ADCY8: variants seen among roughly 807,000 people sequenced by gnomAD.
The protein encoded by ADCY8 is adenylate cyclase type 8.
ADCY8 carries 51 observed loss-of-function variants against 119.7 expected under a neutral mutation model. The ratio of observed to expected loss-of-function variants is 0.43; its 90% CI spans 0.34 to 0.54. The LOEUF is 0.54. ADCY8 is among the 20% of genes least tolerant of loss of function. ADCY8 has a pLI of 0.03. For synonymous variants in ADCY8, 665 were observed against 651.0 expected, an observed-to-expected ratio of 1.02 and a Z score of -0.33; for missense variants, 1,383 against 1,598.8, an observed-to-expected ratio of 0.87 and a Z score of 2.30.
chr8:131,030,348 C>T (rs1823960099), intron 1 of ADCY8, among the ~76,000 whole-genome samples: 2 of 152,298 alleles, frequency 1.3e-5, no homozygotes, highest in East Asian at 1.9e-4. Context: ...ATCCCAGGGT[C>T]CTTTTGCACG....
At chr8:130,958,818 A>AT (rs1358060815) in intron 2 of ADCY8, among the ~76,000 whole-genome samples, 2 of 151,370 alleles carry the variant, frequency 1.3e-5, no homozygotes, top group Non-Finnish European at 3.0e-5. Context: ...TGTTTTATTT[A>AT]TTTTTTCTTT....
At chr8:130,943,306 C>A (rs751577511) in intron 4 of ADCY8, 45 bp downstream of exon 4, 26 of 1,325,820 alleles carry the variant, frequency 2.0e-5, no homozygotes, top group African/African-American at 2.9e-5. Flanking sequence ...CATATGCAGT[C>A]CCTCACTCCT....
At chr8:130,826,643 T>C (rs934841022) in intron 12 of ADCY8, among the ~76,000 whole-genome samples, 1 of 152,130 alleles carries the variant, frequency 6.6e-6, no homozygotes, top group African/African-American at 2.4e-5. Context: ...AATCTTGCAA[T>C]GATTATTTTG....
intron 1 of ADCY8, among the ~76,000 whole-genome samples, chr8:131,019,017 C>A (rs1463380017): frequency 6.6e-6 from 1 of 152,114 alleles, no homozygotes; most frequent in African/African-American, 2.4e-5. Flanking sequence ...AATAATGACA[C>A]TTTCATTTTA....
At chr8:130,963,836 T>A (rs1016108677) in intron 2 of ADCY8, among the ~76,000 whole-genome samples, 1 of 152,296 alleles carries the variant, frequency 6.6e-6, no homozygotes, top group African/African-American at 2.4e-5. Context: ...GCATGGTTTA[T>A]CATCCACACT....
chr8:130,867,601 G>A (rs1359121510), intron 9 of ADCY8, among the ~76,000 whole-genome samples: 1 of 152,076 alleles, frequency 6.6e-6, no homozygotes, highest in Non-Finnish European at 1.5e-5. Flanking sequence ...ATAAGAGTGG[G>A]GCCTATTTTA....
At chr8:131,003,226 A>ACACT (rs1586647218) in intron 1 of ADCY8, among the ~76,000 whole-genome samples, 1 of 152,028 alleles carries the variant, frequency 6.6e-6, no homozygotes, top group East Asian at 1.9e-4. Flanking sequence ...ACACACACAC[A>ACACT]CACACACACA....
chr8:130,940,929 A>AG (rs1439898928), intron 4 of ADCY8, among the ~76,000 whole-genome samples: 4 of 152,222 alleles, frequency 2.6e-5, no homozygotes, highest in Admixed American at 2.0e-4. Context: ...TATTGTTCAC[A>AG]GGGTAGAATC....
chr8:130,846,768 T>A (rs1817321597), intron 11 of ADCY8, among the ~76,000 whole-genome samples: 1 of 103,612 alleles, frequency 9.7e-6, no homozygotes, highest in Non-Finnish European at 1.9e-5. Flanking sequence ...TTCCTTCCCC[T>A]TCCTTCCTTC....
intron 5 of ADCY8, among the ~76,000 whole-genome samples, chr8:130,916,500 G>A (rs181088181): frequency 1.1e-4 from 16 of 152,340 alleles, no homozygotes; most frequent in Non-Finnish European, 1.3e-4. Context: ...GCCACCGTGT[G>A]TTGGGAGCAA....
At chr8:130,955,730 T>C (rs570249110) in intron 2 of ADCY8, among the ~76,000 whole-genome samples, 1 of 152,328 alleles carries the variant, frequency 6.6e-6, no homozygotes, top group East Asian at 1.9e-4. Context: ...AGATGACCCA[T>C]AGTGGGTTTC....
intron 2 of ADCY8, among the ~76,000 whole-genome samples, chr8:130,959,017 T>A (rs962227842): frequency 2.6e-5 from 4 of 152,314 alleles, no homozygotes; most frequent in African/African-American, 9.6e-5. Flanking sequence ...GTTGTAGGAT[T>A]TCTGTAATTA....
chr8:130,854,837 CCCTT>C (rs1554607550), intron 9 of ADCY8, among the ~76,000 whole-genome samples: 1 of 48,760 alleles, frequency 2.1e-5, no homozygotes, highest in Non-Finnish European at 4.0e-5. Context: ...CTCCCTCCCT[CCCTT>C]CCTTCCCTCC....
At chr8:130,909,131 C>T (rs1350010247) in intron 6 of ADCY8, among the ~76,000 whole-genome samples, 2 of 152,126 alleles carry the variant, frequency 1.3e-5, no homozygotes, top group African/African-American at 4.8e-5. Flanking sequence ...TTATTAGGTC[C>T]AATCTGTGTA....
chr8:130,975,904 T>G (rs1226157351), intron 2 of ADCY8, among the ~76,000 whole-genome samples: 1 of 152,214 alleles, frequency 6.6e-6, no homozygotes, highest in Non-Finnish European at 1.5e-5. Flanking sequence ...CTGCCCGCAA[T>G]TCTGAAAATT....
At chr8:130,993,439 G>A (rs1225532542) in intron 1 of ADCY8, among the ~76,000 whole-genome samples, 1 of 152,152 alleles carries the variant, frequency 6.6e-6, no homozygotes, top group African/African-American at 2.4e-5. Context: ...AATCTGGAAA[G>A]CTCATATGAT....
intron 14 of ADCY8, among the ~76,000 whole-genome samples, chr8:130,803,030 C>A (rs1293810847): frequency 6.6e-6 from 1 of 152,216 alleles, no homozygotes; most frequent in Non-Finnish European, 1.5e-5. Flanking sequence ...CCTTCCTTTT[C>A]ATTTTCCAAG....
At chr8:130,821,612 A>C (rs1461474709) in intron 12 of ADCY8, among the ~76,000 whole-genome samples, 192 bp from the exon 13 acceptor site, 1 of 152,204 alleles carries the variant, frequency 6.6e-6, no homozygotes, top group African/African-American at 2.4e-5. Context: ...CAAGGGTATG[A>C]GGTGACCCAG....
At chr8:130,960,887 A>G (rs1323980135) in intron 2 of ADCY8, among the ~76,000 whole-genome samples, 2 of 152,168 alleles carry the variant, frequency 1.3e-5, no homozygotes, top group African/African-American at 2.4e-5. Flanking sequence ...AGGCAGGCCA[A>G]TCCCATAGAT....
Sources: allele counts gnomAD v4.1 joint callset (sites outside exome capture counted in the v4.1 genomes callset), GRCh38; gene constraint gnomAD v4.1.1; transcripts MANE v1.5; gene names NCBI Gene and HGNC (gene_info 2026-07-23, HGNC 2026-07-21).